HIPK3: variants seen among roughly 807,000 people sequenced by gnomAD.
The protein encoded by HIPK3 is homeodomain interacting protein kinase 3, also known as homeodomain-interacting protein kinase 3.
In HIPK3, 47 loss-of-function variants were observed where a neutral mutation model predicts 124.2. That is an observed-to-expected ratio of 0.38 (90% CI 0.30 to 0.48). The LOEUF (loss-of-function observed/expected upper bound fraction) is 0.48, where lower values mean the gene tolerates loss of function less well. Among genes scored for constraint, HIPK3 ranks in the 20% least tolerant of loss-of-function variants. HIPK3 has a pLI of 0.98. For missense variants in HIPK3, 1,286 were observed against 1,454.3 expected (o/e 0.88, Z 1.88); for synonymous variants, 482 against 515.2 (o/e 0.94, Z 0.87).
At chr11:33,263,799 CTT>C (rs1221801337) in intron 1 of HIPK3, among the ~76,000 whole-genome samples, 2 of 152,090 alleles carry the variant, frequency 1.3e-5, no homozygotes, top group Non-Finnish European at 2.9e-5. Flanking sequence ...CTCTTTCTGT[CTT>C]TTGTTTCTTC....
At chr11:33,259,443 A>T (rs1850765254) in intron 1 of HIPK3, among the ~76,000 whole-genome samples, 1 of 152,228 alleles carries the variant, frequency 6.6e-6, no homozygotes, top group Non-Finnish European at 1.5e-5. Context: ...TTAGTATTTT[A>T]AGTAAACAAA....
chr11:33,264,293 A>G (rs1479607984), intron 1 of HIPK3, among the ~76,000 whole-genome samples: 1 of 152,124 alleles, frequency 6.6e-6, no homozygotes, highest in Middle Eastern at 3.2e-3. Flanking sequence ...ATAATTCTTG[A>G]TCATGTTGAA....
chr11:33,258,076 C>A (rs1234875221), intron 1 of HIPK3, among the ~76,000 whole-genome samples, 187 bp downstream of exon 1: 1 of 152,102 alleles, frequency 6.6e-6, no homozygotes, highest in Non-Finnish European at 1.5e-5. Flanking sequence ...CAGTTTCCGC[C>A]CTAGCCCCTG....
At chr11:33,321,114 T>C (rs1394577998) in intron 2 of HIPK3, among the ~76,000 whole-genome samples, 4 of 152,044 alleles carry the variant, frequency 2.6e-5, no homozygotes, top group Admixed American at 6.6e-5. Context: ...GCTAGTGAGA[T>C]AAGGAGGAGA....
At chr11:33,284,208 T>A (rs1851487104) in intron 1 of HIPK3, among the ~76,000 whole-genome samples, 2 of 152,158 alleles carry the variant, frequency 1.3e-5, no homozygotes, top group South Asian at 4.1e-4. Flanking sequence ...ATTTTTAAAT[T>A]GTAGAAAATG....
In HIPK3 at chr11:33,319,645, G is replaced by A. The variant is rs1852606761; in HGVS notation, c.1098-8865G>A. Among the ~76,000 whole-genome samples the A allele has an allele frequency of 2.6e-5, 4 of 152,160 alleles. No homozygotes were observed. In the South Asian group the frequency reaches 8.3e-4, roughly 31 times the overall value. ...GTTCATACTTGTTCAGCTCTTATTG[G>A]TGATGTTTAACAACATTTTCTTTGT... is the stretch of plus-strand genomic sequence containing the variant. On this transcript the variant is annotated intron_variant, in intron 2 of 16. Transcript: ENST00000303296.
intron 1 of HIPK3, among the ~76,000 whole-genome samples, chr11:33,271,099 A>G (rs1479861632): frequency 6.6e-6 from 1 of 152,354 alleles, no homozygotes; most frequent in Non-Finnish European, 1.5e-5. Flanking sequence ...GGTAAATGAT[A>G]CTGCCTTAGT....
intron 2 of HIPK3, among the ~76,000 whole-genome samples, chr11:33,291,526 GTCTAAC>G (rs1273958676): frequency 6.6e-6 from 1 of 152,160 alleles, no homozygotes; most frequent in Admixed American, 6.6e-5. Flanking sequence ...TGGTGAGGCT[GTCTAAC>G]TCTTGCAGTG....
intron 13 of HIPK3, 56 bp from the exon 14 acceptor site, chr11:33,349,091 T>C: frequency 6.5e-7 from 1 of 1,534,238 alleles, no homozygotes; most frequent in Non-Finnish European, 8.9e-7. Flanking sequence ...ATTTTGGCTA[T>C]TTGGAGAGTA....
At chr11:33,257,262 CCGGAG>C (rs768962515), upstream of HIPK3, 78 of 983,438 alleles carry the variant, frequency 7.9e-5, no homozygotes, top group African/African-American at 7.7e-4. Context: ...GGCGCCGCGG[CCGGAG>C]CGGAGCGGAG....
intron 1 of HIPK3, among the ~76,000 whole-genome samples, chr11:33,266,674 T>C (rs1480044329): frequency 1.3e-5 from 2 of 152,202 alleles, no homozygotes; most frequent in Non-Finnish European, 2.9e-5. Context: ...ATTGCGCCAC[T>C]GCACTGTAGC....
chr11:33,351,932 C>T, intron 15 of HIPK3, 89 bp downstream of exon 15: 1 of 1,183,496 alleles, frequency 8.4e-7, no homozygotes, highest in Non-Finnish European at 1.2e-6. Flanking sequence ...AAAGTCATCT[C>T]TGAATTTTGA....
intron 2 of HIPK3, among the ~76,000 whole-genome samples, chr11:33,293,414 T>G (rs1180920570): frequency 6.6e-6 from 1 of 152,164 alleles, no homozygotes; most frequent in East Asian, 1.9e-4. Flanking sequence ...TTTTAGCCAT[T>G]GTTCCCCAGT....
chr11:33,281,172 C>T (rs1851403909), intron 1 of HIPK3, among the ~76,000 whole-genome samples: 2 of 148,466 alleles, frequency 1.3e-5, no homozygotes, highest in African/African-American at 2.5e-5. Flanking sequence ...TGGGTTCAAG[C>T]GATTCTCCTG....
intron 3 of HIPK3, 41 bp from the exon 4 acceptor site, chr11:33,337,034 A>G (rs1314755104): frequency 1.4e-6 from 2 of 1,477,560 alleles, no homozygotes; most frequent in East Asian, 2.3e-5. Context: ...GTTCTGTCAC[A>G]TGAAAGAATA....
Position 33,354,444 on chromosome 11 carries a change from T to G in HIPK3, c.*876T>G, listed in dbSNP as rs754395501. Reference sequence around the variant, plus strand: ...GCACAGCATTTTATATACTGTTAAGTGAAACTGCAATACAATCTAAGTTTA... The same window carrying G: ...GCACAGCATTTTATATACTGTTAAGGGAAACTGCAATACAATCTAAGTTTA... On this transcript the variant is annotated 3_prime_UTR_variant, in exon 17 of 17. Transcript: ENST00000303296. The G allele has an allele frequency of 6.6e-6, 1 of 152,606 alleles. No homozygotes were observed. The highest frequency in any genetic ancestry group is 2.4e-5 in the African/African-American group (1 of 41,454). The allele number at this position is 152,606 out of a possible 1,614,324, so 9.5% of individuals were successfully genotyped here. A position where few individuals can be genotyped will look rare whatever the true frequency, so the allele number is the denominator to read the frequency against.
At position 33,338,794 on chromosome 11, in the gene HIPK3, C is replaced by T; in HGVS notation, c.1379C>T (p.Ser460Phe). ...CATGAGGCAGAGACAGGAATGAAGT[C>T]TAAAGAAGCCAGAAAATACATTTTC... ...EEHEAETGMK[S>F]KEARKYIFNS... Residue 460 changes from serine to phenylalanine, a missense_variant, in exon 5 of 17, where the codon TCT (serine) becomes TTT (phenylalanine). Around this residue, in one of 3 missense-constraint regions of HIPK3, gnomAD observed 251 missense variants for 349.1 expected, o/e 0.72. Transcript: ENST00000303296. 1 of 1,612,698 alleles carries T rather than the reference C, an allele frequency of 6.2e-7. No homozygotes were observed. Among genetic ancestry groups the T allele is most frequent in the Non-Finnish European group, 8.5e-7 (1 of 1,179,090 alleles).
chr11:33,267,903 A>G (rs1647992045), intron 1 of HIPK3, among the ~76,000 whole-genome samples: 1 of 152,214 alleles, frequency 6.6e-6, no homozygotes, highest in Non-Finnish European at 1.5e-5. Flanking sequence ...GGCTCCTAGT[A>G]TAATTGTATA....
At chr11:33,289,354 A>C (rs1005564902) in intron 2 of HIPK3, among the ~76,000 whole-genome samples, 5 of 152,118 alleles carry the variant, frequency 3.3e-5, no homozygotes, top group Non-Finnish European at 2.9e-5. Context: ...CTGAGGTAGG[A>C]GGATCCCTTG....
Sources: gnomAD v4.1 joint callset for allele counts (sites outside exome capture counted in the v4.1 genomes callset) on GRCh38, gnomAD v4.1.1 for gene constraint, gnomAD v4.1.1 regional missense constraint, MANE v1.5 for transcripts, NCBI Gene and HGNC (gene_info 2026-07-23, HGNC 2026-07-21) for gene names.